ARID3B: variants seen among roughly 807,000 people sequenced by gnomAD.
The protein encoded by ARID3B is AT-rich interaction domain 3B.
A neutral mutation model predicts 51.9 loss-of-function variants in ARID3B; 10 were observed. The observed-to-expected ratio is 0.19, with a 90% CI of 0.12 to 0.33. The LOEUF (loss-of-function observed/expected upper bound fraction) is 0.33. ARID3B is among the 10% of genes least tolerant of loss of function. The pLI is 1.00. For synonymous variants in ARID3B, 205 were observed against 279.5 expected (o/e 0.73, Z 2.66); for missense variants, 483 against 716.3 (o/e 0.67, Z 3.72).
intron 2 of ARID3B, among the ~76,000 whole-genome samples, chr15:74,546,034 G>A (rs529592149): frequency 1.8e-4 from 27 of 152,186 alleles, no homozygotes; most frequent in Non-Finnish European, 3.1e-4. Context: ...TATGTAAACA[G>A]TGCCATCCTC....
Position 74,572,831 on chromosome 15 carries a change from CCT to C in ARID3B, c.553-27_553-26del, listed in dbSNP as rs771795814. On this transcript the variant is annotated intron_variant, in intron 2 of 8. Transcript: ENST00000346246. ...TCCTAACTCTTTCTCTTCCTTTGCC[CCT>C]CTCAACTTTGTGTTTTGTTCCCTTT... is the stretch of plus-strand genomic sequence containing the variant. 52 of 1,608,388 alleles carry C rather than the reference CCT, an allele frequency of 3.2e-5. No individual in the cohort carries two copies. In the South Asian group the frequency reaches 5.5e-4, roughly 17 times the overall value.
rs1053266694 is a variant in ARID3B at position 74,546,387 on chromosome 15, G to A, written c.552+1899G>A. Among the ~76,000 whole-genome samples, 8 of 152,356 alleles carry A rather than the reference G, an allele frequency of 5.3e-5. No individual in the cohort carries two copies. In the South Asian group the frequency reaches 6.2e-4, roughly 12 times the overall value. On this transcript the variant is annotated intron_variant, in intron 2 of 8. Coordinates refer to ENST00000346246, the MANE Select transcript of ARID3B (RefSeq NM_006465.4). ...GCCCCCGCCTTGGCAGCTGGCCAGC[G>A]TCTGCGTGTGTGCGGTCGTTCCTAG...
intron 2 of ARID3B, among the ~76,000 whole-genome samples, chr15:74,566,872 C>T (rs1221040463): frequency 6.6e-6 from 1 of 152,038 alleles, no homozygotes; most frequent in Non-Finnish European, 1.5e-5. Flanking sequence ...GTTCCTTTTC[C>T]TTCAGAACCT....
chr15:74,578,376 T>C (rs1484314081), intron 4 of ARID3B, among the ~76,000 whole-genome samples: 2 of 152,150 alleles, frequency 1.3e-5, no homozygotes, highest in Non-Finnish European at 2.9e-5. Context: ...GATTTCACCA[T>C]GTTGGCCAGG....
chr15:74,559,565 G>T (rs1243859669), intron 2 of ARID3B, among the ~76,000 whole-genome samples: 2 of 152,176 alleles, frequency 1.3e-5, no homozygotes, highest in Non-Finnish European at 2.9e-5. Context: ...GAGGGAAAAG[G>T]TCAAGTGGGA....
chr15:74,594,215 A>C (rs146906619), intron 8 of ARID3B, among the ~76,000 whole-genome samples: 1 of 152,162 alleles, frequency 6.6e-6, no homozygotes, highest in Non-Finnish European at 1.5e-5. Context: ...TTGGGAGGCC[A>C]AGGCGGGTGG....
At chr15:74,546,399 GCGGTCGT>G (rs1418915058) in intron 2 of ARID3B, among the ~76,000 whole-genome samples, 2 of 152,232 alleles carry the variant, frequency 1.3e-5, no homozygotes, top group African/African-American at 4.8e-5. Context: ...CTGCGTGTGT[GCGGTCGT>G]TCCTAGAAAG....
chr15:74,554,627 A>G (rs768451027), intron 2 of ARID3B, among the ~76,000 whole-genome samples: 11 of 152,114 alleles, frequency 7.2e-5, no homozygotes, highest in Non-Finnish European at 1.5e-4. Context: ...TGGATTTTCA[A>G]TTTAACTATA....
chr15:74,560,031 T>TAAAAAAAAAAAAAAAAAAAACAA (rs71137394), intron 2 of ARID3B, among the ~76,000 whole-genome samples: 1 of 35,640 alleles, frequency 2.8e-5, no homozygotes, highest in Non-Finnish European at 4.5e-5. Flanking sequence ...CTGTCTCTAC[T>TAAAAAAAAAAAAAAAAAAAACAA]AAAAAAAAAA....
At chr15:74,541,818 T>C (rs1157757048) in intron 1 of ARID3B, among the ~76,000 whole-genome samples, 1 of 151,634 alleles carries the variant, frequency 6.6e-6, no homozygotes, top group Non-Finnish European at 1.5e-5. Context: ...TAGTCCGTTG[T>C]ACCCGGCTTG....
Position 74,593,144 on chromosome 15 carries a change from G to A in ARID3B, c.1427G>A (p.Arg476Lys), listed in dbSNP as rs1235387848. 4 of 1,612,940 alleles carry A rather than the reference G, an allele frequency of 2.5e-6. No individual in the cohort carries two copies. Among genetic ancestry groups the A allele is most frequent in the Non-Finnish European group, 3.4e-6 (4 of 1,179,882 alleles). The change falls in exon 8 of 9, where the codon AGA (arginine) becomes AAA (lysine). Residue 476 changes from arginine (R) to lysine (K), a missense_variant. Arg to Lys is a conservative substitution (Grantham distance 26). Around this residue, in one of 3 missense-constraint regions of ARID3B, gnomAD observed 265 missense variants for 354.4 expected, o/e 0.75. Coordinates refer to ENST00000346246, the MANE Select transcript of ARID3B (RefSeq NM_006465.4). ...GTCTCCCTGTCCCCAGCAGAAGACA[G>A]AGCAGAGGCCTCGGCTGCAGCACTG... ...MKIRINGRED[R>K]AEASAAALNL...
intron 4 of ARID3B, among the ~76,000 whole-genome samples, chr15:74,585,236 G>C (rs567758729): frequency 6.6e-6 from 1 of 152,292 alleles, no homozygotes; most frequent in South Asian, 2.1e-4. Context: ...CCTCCTTCCT[G>C]GTGCTCTGTG....
chr15:74,569,685 C>G (rs554256766), intron 2 of ARID3B, among the ~76,000 whole-genome samples: 1 of 152,172 alleles, frequency 6.6e-6, no homozygotes, highest in East Asian at 1.9e-4. Flanking sequence ...GATACCCAGA[C>G]GAGTAACTGA....
chr15:74,579,870 T>TGTGTGC (rs1555440733), intron 4 of ARID3B, among the ~76,000 whole-genome samples: 3 of 121,678 alleles, frequency 2.5e-5, no homozygotes, highest in African/African-American at 8.3e-5. Context: ...TGTGTGTGTG[T>TGTGTGC]GTGCGCGCGC....
At chr15:74,592,291 T>A (rs77107968) in intron 7 of ARID3B, among the ~76,000 whole-genome samples, 1 of 152,212 alleles carries the variant, frequency 6.6e-6, no homozygotes, top group Non-Finnish European at 1.5e-5. Context: ...GGCAGCATAA[T>A]TGACATCCTT....
intron 4 of ARID3B, among the ~76,000 whole-genome samples, chr15:74,577,581 C>T (rs1344939856): frequency 6.6e-6 from 1 of 152,112 alleles, no homozygotes; most frequent in Non-Finnish European, 1.5e-5. Context: ...AGTGTAGTGG[C>T]GCAATCATGG....
rs994699817 is a variant in ARID3B, at chr15:74,597,439, G to C, written c.*1665G>C. The C allele has an allele frequency of 2.1e-6, 1 of 484,790 alleles. No individual in the cohort carries two copies. The highest frequency in any genetic ancestry group is 3.9e-6 in the Non-Finnish European group (1 of 255,190). 30.0% of individuals were successfully genotyped at this position (484,790 alleles called of 1,614,324 possible). ...TGAGCACAAACAGATACCTCAGCCCGGTAAGCTGCAGCTCTGCTCAACTGC... is the reference window on the plus strand; with the variant it reads ...TGAGCACAAACAGATACCTCAGCCCCGTAAGCTGCAGCTCTGCTCAACTGC... On this transcript the variant is annotated 3_prime_UTR_variant, in exon 9 of 9. Coordinates refer to ENST00000346246, the MANE Select transcript of ARID3B (RefSeq NM_006465.4).
chr15:74,543,053 A>G (rs2061600329), intron 1 of ARID3B, among the ~76,000 whole-genome samples: 1 of 152,266 alleles, frequency 6.6e-6, no homozygotes, highest in Non-Finnish European at 1.5e-5. Context: ...AAGAAGCAGC[A>G]TTAACTTGTT....
intron 4 of ARID3B, among the ~76,000 whole-genome samples, chr15:74,589,605 G>C (rs2061795779): frequency 6.6e-6 from 1 of 152,170 alleles, no homozygotes. Context: ...CAGAACCAGA[G>C]AGGCTAAGTG....
Sources: allele counts gnomAD v4.1 joint callset (sites outside exome capture counted in the v4.1 genomes callset), GRCh38; gene constraint gnomAD v4.1.1; regional missense constraint gnomAD v4.1.1; transcripts MANE v1.5; gene names NCBI Gene and HGNC (gene_info 2026-07-23, HGNC 2026-07-21).